The following FAP variants were observed in gnomAD, a reference collection of about 807,000 sequenced individuals.
FAP encodes fibroblast activation protein alpha.
A neutral mutation model predicts 126.5 loss-of-function variants in FAP; 110 were observed. The ratio of observed to expected loss-of-function variants is 0.87; its 90% CI spans 0.74 to 1.02. FAP has a LOEUF of 1.02. Among genes scored for constraint, FAP ranks in the 50% least tolerant of loss-of-function variants. The pLI is 0.00. For missense variants in FAP, 919 were observed against 909.2 expected (o/e 1.01, Z -0.14); for synonymous variants, 334 against 297.3 (o/e 1.12, Z -1.27).
intron 12 of FAP, among the ~76,000 whole-genome samples, chr2:162,205,014 C>G (rs1688648977): frequency 6.6e-6 from 1 of 152,168 alleles, no homozygotes; most frequent in Non-Finnish European, 1.5e-5. Flanking sequence ...TGCCTCATCA[C>G]TCTATGACCC....
chr2:162,226,746 T>C, intron 2 of FAP, 125 bp from the exon 3 acceptor site: 1 of 566,124 alleles, frequency 1.8e-6, no homozygotes, highest in South Asian at 2.4e-5. Flanking sequence ...TAAGTGGTTG[T>C]TGAACTCCTA....
chr2:162,194,066 T>A (rs1688148536), intron 17 of FAP: 1 of 152,176 alleles, frequency 6.6e-6, no homozygotes, highest in African/African-American at 2.4e-5. Context: ...AGATGTGAAC[T>A]ATTTTGAACC....
At chr2:162,192,140 C>T (rs561879977) in intron 17 of FAP, among the ~76,000 whole-genome samples, 13 of 152,198 alleles carry the variant, frequency 8.5e-5, no homozygotes, top group South Asian at 6.2e-4. Context: ...TTACAGCCAT[C>T]GTCCCACCAA....
intron 3 of FAP, among the ~76,000 whole-genome samples, chr2:162,226,317 T>A (rs138209648): frequency 6.6e-6 from 1 of 152,278 alleles, no homozygotes; most frequent in East Asian, 1.9e-4. Context: ...TATTTAAAAC[T>A]CTATTGGCCT....
At chr2:162,218,260 G>T in intron 8 of FAP, 120 bp from the exon 9 acceptor site, 1 of 646,188 alleles carries the variant, frequency 1.5e-6, no homozygotes, top group Non-Finnish European at 2.4e-6. Context: ...TGTGACATAT[G>T]TCATACTTTG....
chr2:162,231,356 T>C (rs1219529973), intron 2 of FAP, among the ~76,000 whole-genome samples: 1 of 152,214 alleles, frequency 6.6e-6, no homozygotes, highest in Admixed American at 6.5e-5. Context: ...AATAATGTTT[T>C]AATATTAAAT....
At chr2:162,172,518 T>C in intron 25 of FAP, 2 of 308,258 alleles carry the variant, frequency 6.5e-6, no homozygotes, top group Non-Finnish European at 1.2e-5. Flanking sequence ...TAATTGCACT[T>C]ATTCACATAG....
intron 12 of FAP, among the ~76,000 whole-genome samples, chr2:162,203,379 C>T (rs1412541214): frequency 6.6e-6 from 1 of 152,100 alleles, no homozygotes; most frequent in African/African-American, 2.4e-5. Flanking sequence ...ACTGCATACC[C>T]CTGGATTTAC....
intron 4 of FAP, among the ~76,000 whole-genome samples, chr2:162,225,164 C>A (rs1391474998): frequency 6.6e-6 from 1 of 152,126 alleles, no homozygotes; most frequent in East Asian, 1.9e-4. Context: ...GTAGTGAAAC[C>A]CCTTACCTAA....
In FAP at chr2:162,202,855, C is replaced by T; in HGVS notation, c.1223+17G>A. The T allele has an allele frequency of 6.2e-7, 1 of 1,602,254 alleles. No individual in the cohort carries two copies. Among genetic ancestry groups the T allele is most frequent in the East Asian group, 2.2e-5 (1 of 44,790 alleles). ...ATTAAAACCTGAATGGTGCATCGTG[C>T]TTCGTGCAATACTTACAGTGAATCC... On this transcript the variant is annotated intron_variant, in intron 14 of 25. Coordinates refer to ENST00000188790, the MANE Select transcript of FAP (RefSeq NM_004460.5).
intron 12 of FAP, among the ~76,000 whole-genome samples, chr2:162,207,080 A>G (rs1036439282): frequency 2.0e-5 from 3 of 152,204 alleles, no homozygotes; most frequent in Non-Finnish European, 4.4e-5. Flanking sequence ...ACTTGAATGA[A>G]TGTCTGAAAT....
intron 2 of FAP, among the ~76,000 whole-genome samples, chr2:162,236,172 A>G (rs1383836742): frequency 6.6e-6 from 1 of 152,096 alleles, no homozygotes; most frequent in Non-Finnish European, 1.5e-5. Context: ...ATGGTGTGTA[A>G]TCCTTTTTAT....
chr2:162,197,795 C>G (rs957188996), intron 16 of FAP: 5 of 360,814 alleles, frequency 1.4e-5, no homozygotes, highest in African/African-American at 1.1e-4. Context: ...AGCCACATAC[C>G]CCTACCAGGG....
intron 2 of FAP, among the ~76,000 whole-genome samples, chr2:162,230,972 C>T (rs1333482000): frequency 6.6e-6 from 1 of 152,124 alleles, no homozygotes; most frequent in Non-Finnish European, 1.5e-5. Context: ...GAAGAGATTC[C>T]ACATAACTGA....
At chr2:162,190,268 T>C (rs1215852870) in intron 17 of FAP, among the ~76,000 whole-genome samples, 5 of 152,128 alleles carry the variant, frequency 3.3e-5, no homozygotes, top group Non-Finnish European at 7.4e-5. Flanking sequence ...TACGCTTTCC[T>C]GTTGTACTTG....
intron 2 of FAP, 106 bp from the exon 3 acceptor site, chr2:162,226,727 G>A (rs1689669234): frequency 9.9e-6 from 6 of 607,580 alleles, no homozygotes; most frequent in African/African-American, 1.9e-5. Context: ...AATAAGATCT[G>A]CTGTTTGCTA....
chr2:162,217,077 G>A (rs1689184894), intron 9 of FAP, among the ~76,000 whole-genome samples: 1 of 152,174 alleles, frequency 6.6e-6, no homozygotes, highest in Admixed American at 6.5e-5. Flanking sequence ...ACAGCTTTTA[G>A]ACTTTTAACA....
chr2:162,179,790 C>CTATCTA (rs1553684067), intron 21 of FAP, among the ~76,000 whole-genome samples: 47 of 115,504 alleles, frequency 4.1e-4, no homozygotes, highest in African/African-American at 9.8e-4. Context: ...ATCTATCTAT[C>CTATCTA]TATATATATA....
At chr2:162,197,440 A>G (rs924469887) in intron 16 of FAP, 6 of 403,962 alleles carry the variant, frequency 1.5e-5, no homozygotes, top group Non-Finnish European at 3.0e-5. Flanking sequence ...ATAACTTGAG[A>G]GGGACATTTA....
Sources: gnomAD v4.1 joint callset for allele counts (sites outside exome capture counted in the v4.1 genomes callset) on GRCh38, gnomAD v4.1.1 for gene constraint, MANE v1.5 for transcripts, NCBI Gene and HGNC (gene_info 2026-07-23, HGNC 2026-07-21) for gene names.